Variants in NEK11 observed in about 807,000 individuals in gnomAD.
NEK11 encodes NIMA related kinase 11.
In NEK11, 72 loss-of-function variants were observed where a neutral mutation model predicts 80.7. The observed-to-expected ratio is 0.89, with a 90% CI of 0.74 to 1.08. The LOEUF is 1.08. NEK11 is among the 50% of genes least tolerant of loss of function. The pLI is 0.00. For synonymous variants in NEK11, 251 were observed against 260.7 expected (o/e 0.96, Z 0.36); for missense variants, 764 against 763.6 (o/e 1.00, Z -0.01).
chr3:131,182,230 T>C (rs1384781167), intron 14 of NEK11, among the ~76,000 whole-genome samples: 6 of 151,834 alleles, frequency 4.0e-5, no homozygotes, highest in Non-Finnish European at 7.4e-5. Context: ...AGTAACAACA[T>C]TTTCAACTGA....
chr3:131,255,112 G>GAAAGA (rs1553966596), intron 16 of NEK11, among the ~76,000 whole-genome samples: 2 of 150,444 alleles, frequency 1.3e-5, no homozygotes, highest in Non-Finnish European at 3.0e-5. Flanking sequence ...AAGAAAGAAA[G>GAAAGA]AAAGAAAGAA....
chr3:131,034,386 A>G (rs891374515), intron 3 of NEK11, among the ~76,000 whole-genome samples: 2 of 152,160 alleles, frequency 1.3e-5, no homozygotes, highest in Non-Finnish European at 2.9e-5. Context: ...TCAACTATGA[A>G]GTATTTAATA....
intron 14 of NEK11, among the ~76,000 whole-genome samples, chr3:131,211,586 C>T (rs2150528492): frequency 6.6e-6 from 1 of 152,320 alleles, no homozygotes. Flanking sequence ...TCCATTCTCC[C>T]CGTCACTTTC....
intron 5 of NEK11, among the ~76,000 whole-genome samples, chr3:131,116,817 G>A (rs1410250921): frequency 6.6e-6 from 1 of 152,138 alleles, no homozygotes. Flanking sequence ...ACTTCTTGAT[G>A]GGGTTGTTTG....
At chr3:131,314,541 C>T (rs540700638) in intron 17 of NEK11, among the ~76,000 whole-genome samples, 1 of 152,282 alleles carries the variant, frequency 6.6e-6, no homozygotes, top group African/African-American at 2.4e-5. Flanking sequence ...GCAGAGCCTA[C>T]CTAGTAGGAA....
chr3:131,037,013 A>C (rs1256301581), intron 3 of NEK11, among the ~76,000 whole-genome samples: 1 of 152,220 alleles, frequency 6.6e-6, no homozygotes, highest in South Asian at 2.1e-4. Flanking sequence ...ATAATAGTCT[A>C]TGGCTTTCTT....
At chr3:131,077,573 G>A (rs1363455668) in intron 3 of NEK11, among the ~76,000 whole-genome samples, 1 of 152,102 alleles carries the variant, frequency 6.6e-6, no homozygotes, top group Non-Finnish European at 1.5e-5. Context: ...TGTTTGCAAG[G>A]AAAAATAAGT....
intron 17 of NEK11, among the ~76,000 whole-genome samples, chr3:131,314,127 A>AAG (rs2096810131): frequency 1.6e-5 from 2 of 127,524 alleles, no homozygotes; most frequent in South Asian, 4.9e-4. Flanking sequence ...CATGGAGAAA[A>AAG]AGAGTGTGTG....
At chr3:131,125,190 C>T (rs1220390365) in intron 5 of NEK11, among the ~76,000 whole-genome samples, 2 of 152,038 alleles carry the variant, frequency 1.3e-5, no homozygotes, top group Admixed American at 1.3e-4. Flanking sequence ...TTTATAGGCC[C>T]GGTTGAGTTT....
chr3:131,220,013 C>T (rs2094965876), intron 14 of NEK11, among the ~76,000 whole-genome samples: 1 of 152,226 alleles, frequency 6.6e-6, no homozygotes, highest in Non-Finnish European at 1.5e-5. Flanking sequence ...GGTGGTCCTC[C>T]TAGTCACTAC....
At chr3:131,253,425 C>A (rs1242739450) in intron 16 of NEK11, among the ~76,000 whole-genome samples, 2 of 151,980 alleles carry the variant, frequency 1.3e-5, no homozygotes, top group Non-Finnish European at 1.5e-5. Context: ...GAAAAAAAGT[C>A]CAGAATGAGG....
chr3:131,209,858 A>G (rs1343559234), intron 14 of NEK11, among the ~76,000 whole-genome samples: 2 of 151,762 alleles, frequency 1.3e-5, no homozygotes, highest in Admixed American at 1.3e-4. Flanking sequence ...TATTGTGTCT[A>G]TTTGATTCTT....
intron 4 of NEK11, among the ~76,000 whole-genome samples, chr3:131,103,042 T>C (rs1241676942): frequency 6.6e-6 from 1 of 152,192 alleles, no homozygotes; most frequent in Non-Finnish European, 1.5e-5. Flanking sequence ...TTTAAATGGC[T>C]ATTTCATCTT....
intron 14 of NEK11, among the ~76,000 whole-genome samples, chr3:131,212,371 G>A (rs1260820356): frequency 6.6e-6 from 1 of 152,124 alleles, no homozygotes; most frequent in Non-Finnish European, 1.5e-5. Context: ...CGTCTCAGAG[G>A]GGCACCCGGC....
chr3:131,200,925 A>T (rs1326917010), intron 14 of NEK11, among the ~76,000 whole-genome samples: 1 of 152,230 alleles, frequency 6.6e-6, no homozygotes, highest in Non-Finnish European at 1.5e-5. Context: ...ACCAGGAGAC[A>T]TATACAAGAA....
chr3:131,032,418 A>G (rs2065007694), intron 3 of NEK11, among the ~76,000 whole-genome samples: 1 of 152,246 alleles, frequency 6.6e-6, no homozygotes, highest in African/African-American at 2.4e-5. Context: ...CAAATTCCAT[A>G]TTCTCCAGTT....
At chr3:131,102,596 C>T (rs898519304) in intron 4 of NEK11, among the ~76,000 whole-genome samples, 7 of 152,106 alleles carry the variant, frequency 4.6e-5, no homozygotes, top group Non-Finnish European at 1.0e-4. Flanking sequence ...TTTCTCTCTT[C>T]CTTTAAGATT....
chr3:131,126,959 C>CTTTTTTT lies in NEK11; in HGVS notation c.456-5769_456-5763dup, dbSNP rs71133688. Among the ~76,000 whole-genome samples, 29 of 90,094 alleles carry CTTTTTTT rather than the reference C, an allele frequency of 3.2e-4. 1 individual carries two copies. Among genetic ancestry groups the CTTTTTTT allele is most frequent in the African/African-American group, 1.1e-3 (23 of 21,458 alleles). The allele number at this position is 90,094 out of a possible 152,430, so 59.1% of individuals were successfully genotyped here. On this transcript the variant is annotated intron_variant, in intron 5 of 17. Coordinates refer to ENST00000383366, the MANE Select transcript of NEK11 (RefSeq NM_024800.5). ...ATGTTTTCTTTTTCTTTCTTTCTTT[C>CTTTTTTT]TTTTTTTTTTTTTTTTTTTTTTTGA...
At chr3:131,177,565 T>C (rs969376719) in intron 14 of NEK11, among the ~76,000 whole-genome samples, 4 of 152,194 alleles carry the variant, frequency 2.6e-5, no homozygotes, top group Admixed American at 6.5e-5. Context: ...GACGTCCTCC[T>C]TGATTCGACG....
Sources: gnomAD v4.1 joint callset for allele counts (sites outside exome capture counted in the v4.1 genomes callset) on GRCh38, gnomAD v4.1.1 for gene constraint, MANE v1.5 for transcripts, NCBI Gene and HGNC (gene_info 2026-07-23, HGNC 2026-07-21) for gene names.